The following ERAP1 variants were observed in gnomAD, a reference collection of about 807,000 sequenced individuals.
ERAP1 encodes adipocyte-derived leucine aminopeptidase.
In ERAP1, 86 loss-of-function variants were observed where a neutral mutation model predicts 103.7. That is an observed-to-expected ratio of 0.83 (90% CI 0.70 to 0.99). The LOEUF (loss-of-function observed/expected upper bound fraction) is 0.99. Ranked by LOEUF, ERAP1 falls within the 50% of genes least tolerant of loss-of-function variation. ERAP1 has a pLI of 0.00. For missense variants in ERAP1, 1,009 were observed against 1,128.4 expected (o/e 0.89, Z 1.52); for synonymous variants, 398 against 402.4 (o/e 0.99, Z 0.13).
intron 1 of ERAP1, among the ~76,000 whole-genome samples, chr5:96,807,595 G>A (rs1431988625): frequency 1.3e-5 from 2 of 152,126 alleles, no homozygotes; most frequent in Non-Finnish European, 2.9e-5. Context: ...GGGTGGGCCC[G>A]CCGCCAACCC....
the ERAP1 span, among the ~76,000 whole-genome samples, chr5:96,919,988 G>T: frequency 9.2e-5 from 14 of 152,214 alleles, no homozygotes; most frequent in Non-Finnish European, 1.5e-4. Flanking sequence ...CAATGGCTTT[G>T]TATGGGGAAG....
At chr5:96,898,829 A>T in the ERAP1 span, among the ~76,000 whole-genome samples, 94,812 of 152,000 alleles carry the variant, frequency 0.62, 29,722 homozygotes, top group Middle Eastern at 0.74. Context: ...GTCCAGACAC[A>T]CTTTCTCCAT....
chr5:96,912,745 AAAC>A, the ERAP1 span: 1 of 1,601,562 alleles, frequency 6.2e-7, no homozygotes, highest in East Asian at 2.3e-5. Context: ...GTGCTGAACA[AAAC>A]AAAATTCTGT....
intron 11 of ERAP1, 110 bp downstream of exon 11, chr5:96,788,421 C>T: frequency 7.6e-7 from 1 of 1,313,376 alleles, no homozygotes; most frequent in Non-Finnish European, 1.1e-6. Context: ...ACAGATGCAG[C>T]TGAAATATTT....
At chr5:96,896,875 G>T in the ERAP1 span, 4 of 1,567,754 alleles carry the variant, frequency 2.6e-6, no homozygotes, top group Non-Finnish European at 3.4e-6. Context: ...TAAGTCATAT[G>T]TTGGGTAACG....
At chr5:96,821,359 T>C in the ERAP1 span, among the ~76,000 whole-genome samples, 2 of 152,228 alleles carry the variant, frequency 1.3e-5, no homozygotes, top group Non-Finnish European at 1.5e-5. Context: ...CAATGTTCTA[T>C]AAACACTTTT....
chr5:96,802,929 G>A (rs1223078614), intron 2 of ERAP1, among the ~76,000 whole-genome samples: 7 of 151,934 alleles, frequency 4.6e-5, no homozygotes, highest in South Asian at 2.1e-4. Context: ...AGGGATCCAC[G>A]GCCACCACTA....
At position 96,790,519 on chromosome 5, in the gene ERAP1, A is replaced by G. The variant is rs1256599462; in HGVS notation, c.1445T>C (p.Met482Thr). 1.2e-6 allele frequency: 2 copies of G among 1,613,956 alleles called. No homozygotes were observed. The highest frequency in any genetic ancestry group is 1.1e-5 in the South Asian group (1 of 91,084). The change falls in exon 9 of 19, where the codon ATG becomes ACG. Residue 482 changes from methionine to threonine, a missense_variant. Met to Thr is a moderately conservative substitution (Grantham distance 81, BLOSUM62 -1). Coordinates refer to ENST00000443439, the MANE Select transcript of ERAP1 (RefSeq NM_001040458.3). Reference sequence around the variant, plus strand: ...ATTCAAAAACATACTCACACTTGCCATACTATCCCACAGGTCCTCGTTTTT... The same window carrying G: ...ATTCAAAAACATACTCACACTTGCCGTACTATCCCACAGGTCCTCGTTTTT... ...NTKNEDLWDS[M>T]ASICPTDGVK...
In ERAP1 at chr5:96,803,475, T is replaced by C. The variant is rs748415207; in HGVS notation, c.452A>G (p.Tyr151Cys). The C allele has an allele frequency of 3.7e-6, 6 of 1,613,380 alleles. No individual in the cohort carries two copies. The highest frequency in any genetic ancestry group is 1.3e-5 in the African/African-American group (1 of 74,910). Reference sequence around the variant, plus strand: ...GAAAGTCTCCGAAAGATTGCCAGCATAGTGAATGACAACTGTGTACGGGAG... The same window carrying C: ...GAAAGTCTCCGAAAGATTGCCAGCACAGTGAATGACAACTGTGTACGGGAG... The part of the protein sequence containing the change: ...VGLPYTVVIH[Y>C]AGNLSETFHG... Residue 151 changes from tyrosine (Y) to cysteine (C), a missense_variant, in exon 2 of 19, where the codon TAT (tyrosine) becomes TGT (cysteine). By Grantham distance (194) the Tyr-to-Cys change is radical. Around this residue, in one of 3 missense-constraint regions of ERAP1, gnomAD observed 392 missense variants for 455.2 expected, o/e 0.86. Coordinates refer to ENST00000443439, the MANE Select transcript of ERAP1 (RefSeq NM_001040458.3).
At chr5:96,807,041 T>C (rs537936125) in intron 1 of ERAP1, among the ~76,000 whole-genome samples, 18 of 152,208 alleles carry the variant, frequency 1.2e-4, no homozygotes, top group Non-Finnish European at 1.9e-4. Context: ...CTCTGGGTGT[T>C]TAATAGGAAA....
chr5:96,840,937 C>T, the ERAP1 span, among the ~76,000 whole-genome samples: 1 of 152,142 alleles, frequency 6.6e-6, no homozygotes, highest in Non-Finnish European at 1.5e-5. Flanking sequence ...ATCTCCTGAC[C>T]TCGTGATCCG....
At chr5:96,902,525 T>A in the ERAP1 span, 1 of 527,930 alleles carries the variant, frequency 1.9e-6, no homozygotes, top group Non-Finnish European at 3.4e-6. Context: ...AAAATCTGGA[T>A]TTTTCATTCA....
At chr5:96,807,510 G>A (rs1388953454) in intron 1 of ERAP1, among the ~76,000 whole-genome samples, 1 of 152,206 alleles carries the variant, frequency 6.6e-6, no homozygotes, top group Non-Finnish European at 1.5e-5. Context: ...GGCTCCCGCC[G>A]GCCGAACAGC....
At chr5:96,911,866 CA>C in the ERAP1 span, among the ~76,000 whole-genome samples, 4,306 of 56,700 alleles carry the variant, frequency 0.076, 307 homozygotes, top group African/African-American at 0.2. Flanking sequence ...GACCCTGTCT[CA>C]AAAAAAAAAA....
At chr5:96,862,137 T>G in the ERAP1 span, among the ~76,000 whole-genome samples, 2 of 152,162 alleles carry the variant, frequency 1.3e-5, no homozygotes, top group Admixed American at 1.3e-4. Flanking sequence ...CACACAATCA[T>G]GCCCAGCTAG....
the ERAP1 span, among the ~76,000 whole-genome samples, chr5:96,925,824 C>T: frequency 6.6e-6 from 1 of 150,928 alleles, no homozygotes. Flanking sequence ...TGAATGAAAT[C>T]TGTACCTTTT....
chr5:96,804,067 T>A, intron 1 of ERAP1, 124 bp from the exon 2 acceptor site: 1 of 1,048,226 alleles, frequency 9.5e-7, no homozygotes, highest in South Asian at 1.4e-5. Flanking sequence ...AAGTACTAGG[T>A]CTTTTCCTGA....
At chr5:96,903,708 C>T in the ERAP1 span, 1 of 629,660 alleles carries the variant, frequency 1.6e-6, no homozygotes, top group African/African-American at 1.9e-5. Context: ...CAAAGACTAC[C>T]CACTAATAAC....
At chr5:96,827,697 T>G in the ERAP1 span, among the ~76,000 whole-genome samples, 1 of 151,862 alleles carries the variant, frequency 6.6e-6, no homozygotes, top group Non-Finnish European at 1.5e-5. Flanking sequence ...AAACGTTTTT[T>G]GGGAATTTGC....
Sources: gnomAD v4.1 joint callset for allele counts (sites outside exome capture counted in the v4.1 genomes callset) on GRCh38, gnomAD v4.1.1 for gene constraint, gnomAD v4.1.1 regional missense constraint, MANE v1.5 for transcripts, NCBI Gene and HGNC (gene_info 2026-07-23, HGNC 2026-07-21) for gene names.